Variants in DOCK3 observed in about 807,000 individuals in gnomAD.
The protein encoded by DOCK3 is dedicator of cytokinesis protein 3.
DOCK3 carries 60 observed loss-of-function variants against 265.6 expected under a neutral mutation model. The observed-to-expected ratio is 0.23, with a 90% CI of 0.18 to 0.28. The LOEUF (loss-of-function observed/expected upper bound fraction) is 0.28, where lower values mean the gene tolerates loss of function less well. DOCK3 is among the 10% of genes least tolerant of loss of function. The pLI is 1.00. For synonymous variants in DOCK3, 881 were observed against 938.0 expected (o/e 0.94, Z 1.11); for missense variants, 1,981 against 2,594.3 (o/e 0.76, Z 5.14).
chr3:51,150,693 T>C (rs2085540820), intron 10 of DOCK3, among the ~76,000 whole-genome samples: 1 of 152,246 alleles, frequency 6.6e-6, no homozygotes, highest in African/African-American at 2.4e-5. Context: ...TGCACTGTGG[T>C]CTGAGAGACA....
chr3:50,752,067 A>C (rs2039851785), intron 1 of DOCK3, among the ~76,000 whole-genome samples: 1 of 152,162 alleles, frequency 6.6e-6, no homozygotes. Context: ...ATATCACCCC[A>C]GTACCTGCAA....
chr3:51,199,066 G>A (rs2107966000), intron 12 of DOCK3, among the ~76,000 whole-genome samples: 1 of 152,252 alleles, frequency 6.6e-6, no homozygotes, highest in South Asian at 2.1e-4. Context: ...AGCCGAGATG[G>A]CCGAGTAGGA....
Position 51,225,724 on chromosome 3 carries a change from A to G in DOCK3, c.1328A>G (p.Asn443Ser). ...AGAGGAGGAAAGAGTGTACAAAAGA[A>G]TATTGAAGTGACCATGTATGTGCTT... ...FERGGKSVQKNIEVTMYVLYA... is the reference protein window; with the variant it reads ...FERGGKSVQKSIEVTMYVLYA... Residue 443 changes from asparagine to serine, a missense_variant, in exon 15 of 53, where the codon AAT (asparagine) becomes AGT (serine). Transcript: ENST00000266037. 6.2e-7 allele frequency: 1 copy of G among 1,613,528 alleles called. No individual in the cohort carries two copies. Among genetic ancestry groups the G allele is most frequent in the Non-Finnish European group, 8.5e-7 (1 of 1,179,682 alleles).
At chr3:51,231,720 C>G (rs1381490851) in intron 19 of DOCK3, among the ~76,000 whole-genome samples, 1 of 152,144 alleles carries the variant, frequency 6.6e-6, no homozygotes, top group East Asian at 1.9e-4. Flanking sequence ...TCTGTTTACT[C>G]TGTTGATAGT....
intron 1 of DOCK3, among the ~76,000 whole-genome samples, chr3:50,750,712 G>A (rs568100009): frequency 6.6e-6 from 1 of 152,278 alleles, no homozygotes; most frequent in East Asian, 1.9e-4. Flanking sequence ...TGGGAAAGAA[G>A]TGGGGATTGC....
At chr3:50,849,405 T>C (rs962512361) in intron 3 of DOCK3, among the ~76,000 whole-genome samples, 16 of 149,932 alleles carry the variant, frequency 1.1e-4, no homozygotes, top group South Asian at 2.1e-4. Context: ...CACACACACA[T>C]ACACACACAC....
intron 27 of DOCK3, among the ~76,000 whole-genome samples, chr3:51,297,150 A>G (rs527951533): frequency 6.7e-6 from 1 of 148,156 alleles, no homozygotes; most frequent in Admixed American, 6.7e-5. Context: ...ATCTACATGT[A>G]AAAGAATGAT....
At chr3:50,910,138 T>C (rs2049785616) in intron 4 of DOCK3, among the ~76,000 whole-genome samples, 1 of 152,098 alleles carries the variant, frequency 6.6e-6, no homozygotes, top group South Asian at 2.1e-4. Context: ...TTCATGATTG[T>C]TAGCTTCTTT....
intron 46 of DOCK3, among the ~76,000 whole-genome samples, chr3:51,358,833 C>A (rs1000632470): frequency 1.3e-5 from 2 of 152,220 alleles, no homozygotes; most frequent in African/African-American, 4.8e-5. Flanking sequence ...TATTCCTTGG[C>A]AGGGTCTTAG....
At chr3:51,296,725 C>G (rs574335326) in intron 27 of DOCK3, among the ~76,000 whole-genome samples, 3 of 152,182 alleles carry the variant, frequency 2.0e-5, no homozygotes, top group South Asian at 2.1e-4. Flanking sequence ...ATCCGCCCGC[C>G]TTGGCCTCCC....
At chr3:50,955,678 T>C (rs1240883012) in intron 5 of DOCK3, among the ~76,000 whole-genome samples, 2 of 152,076 alleles carry the variant, frequency 1.3e-5, no homozygotes, top group East Asian at 3.8e-4. Flanking sequence ...TAGGGCCTAC[T>C]TGAGGGTGAA....
At position 51,225,764 on chromosome 3, in the gene DOCK3, A is replaced by G; in HGVS notation, c.1368A>G (p.Glu456=). ...TGTATGTGCTTTATGCAGATGGAGA[A>G]ATCTTGAAGGTAAGGCTTGCCAGTC... ...VTMYVLYADG[E]ILKDCISLGS... Residue 456 remains glutamate, a synonymous_variant, in exon 15 of 53, where the codon GAA becomes GAG. Coordinates refer to ENST00000266037, the MANE Select transcript of DOCK3 (RefSeq NM_004947.5). 6.2e-7 allele frequency: 1 copy of G among 1,611,706 alleles called. No homozygotes were observed. The highest frequency in any genetic ancestry group is 8.5e-7 in the Non-Finnish European group (1 of 1,178,944).
chr3:50,810,345 G>A (rs1273432593), intron 2 of DOCK3, among the ~76,000 whole-genome samples: 1 of 152,104 alleles, frequency 6.6e-6, no homozygotes, highest in East Asian at 1.9e-4. Flanking sequence ...GAGGTCAGGA[G>A]TTTGAGACCA....
chr3:51,220,585 A>C (rs1298057203), intron 14 of DOCK3, among the ~76,000 whole-genome samples: 1 of 149,800 alleles, frequency 6.7e-6, no homozygotes, highest in East Asian at 2.0e-4. Flanking sequence ...TGAACCCGGT[A>C]GGTGGAGGTT....
rs538203041 is a variant in DOCK3, at chr3:50,702,160, A to T, written c.37+26860A>T. On this transcript the variant is annotated intron_variant, in intron 1 of 52. Coordinates refer to ENST00000266037, the MANE Select transcript of DOCK3 (RefSeq NM_004947.5). ...GAATCTGTAGATTTCTTTGGGTAGT[A>T]TGGTCATTTTAACACTGTTAGTTCT... Among the ~76,000 whole-genome samples, 4 of 152,254 alleles carry T rather than the reference A, an allele frequency of 2.6e-5. No homozygotes were observed. In the South Asian group the frequency reaches 8.3e-4, roughly 32 times the overall value.
intron 24 of DOCK3, among the ~76,000 whole-genome samples, chr3:51,273,341 A>G (rs754015144): frequency 6.6e-6 from 1 of 152,164 alleles, no homozygotes; most frequent in Non-Finnish European, 1.5e-5. Context: ...TGGATTTTAG[A>G]TGACAAACAG....
chr3:51,213,070 C>T (rs960798296), intron 13 of DOCK3, among the ~76,000 whole-genome samples: 1 of 151,932 alleles, frequency 6.6e-6, no homozygotes, highest in African/African-American at 2.4e-5. Flanking sequence ...TTCTCCATTC[C>T]CTCCTCCCTC....
Position 51,075,478 on chromosome 3 carries a change from C to T in DOCK3, c.549+38C>T, listed in dbSNP as rs192181274. 3.0e-3 allele frequency: 4,373 copies of T among 1,475,928 alleles called. 16 individuals are homozygous for T. The highest frequency in any genetic ancestry group is 3.3e-3 in the Non-Finnish European group (3,602 of 1,089,416). 91.4% of individuals were successfully genotyped at this position (1,475,928 alleles called of 1,614,324 possible). ...ACATGAGGTAGCTTGTTCCTGCATA[C>T]CTCATTTTTTCTCTTTTGTTTATTT... On this transcript the variant is annotated intron_variant, in intron 7 of 52. Coordinates refer to ENST00000266037, the MANE Select transcript of DOCK3 (RefSeq NM_004947.5).
intron 5 of DOCK3, among the ~76,000 whole-genome samples, chr3:50,991,629 A>G (rs770877633): frequency 3.3e-5 from 5 of 152,202 alleles, no homozygotes; most frequent in Non-Finnish European, 7.3e-5. Flanking sequence ...AGAGTTTTAC[A>G]CAATAATAGT....
Sources: allele counts gnomAD v4.1 joint callset (sites outside exome capture counted in the v4.1 genomes callset), GRCh38; gene constraint gnomAD v4.1.1; transcripts MANE v1.5; gene names NCBI Gene and HGNC (gene_info 2026-07-23, HGNC 2026-07-21).